Variants in C11orf65 observed in about 807,000 individuals in gnomAD.
C11orf65 encodes protein MFI.
C11orf65 carries 38 observed loss-of-function variants against 35.3 expected under a neutral mutation model. That is an observed-to-expected ratio of 1.08 (90% CI 0.83 to 1.41). C11orf65 has a LOEUF of 1.41. C11orf65 is among the 40% of genes most tolerant of loss of function. The probability of loss-of-function intolerance (pLI) is 0.00; values close to 1 mark genes in which losing one functional copy is unlikely to be tolerated. For missense variants in C11orf65, 370 were observed against 367.1 expected, an observed-to-expected ratio of 1.01 and a Z score of -0.06; for synonymous variants, 105 against 114.4, an observed-to-expected ratio of 0.92 and a Z score of 0.53.
chr11:108,441,909 C>A (rs1236035605), intron 2 of C11orf65, among the ~76,000 whole-genome samples: 2 of 152,186 alleles, frequency 1.3e-5, no homozygotes, highest in Admixed American at 1.3e-4. Context: ...TATCAGAATG[C>A]CTCTTCTCCT....
At chr11:108,310,831 C>T (rs372463254) in intron 6 of C11orf65, among the ~76,000 whole-genome samples, 49 of 152,152 alleles carry the variant, frequency 3.2e-4, no homozygotes, top group Non-Finnish European at 6.3e-4. Flanking sequence ...GAATTTAATT[C>T]GCTTTCCTCT....
intron 2 of C11orf65, among the ~76,000 whole-genome samples, chr11:108,452,818 C>G (rs1297211095): frequency 6.6e-6 from 1 of 151,782 alleles, no homozygotes; most frequent in African/African-American, 2.4e-5. Context: ...TACTATGCAG[C>G]CATATAAAAG....
In C11orf65 at chr11:108,404,197, G is replaced by C. The variant is rs182862529; in HGVS notation, c.560+1232C>G. Among the ~76,000 whole-genome samples, 6 of 152,222 alleles carry C rather than the reference G, an allele frequency of 3.9e-5. No individual in the cohort carries two copies. The East Asian group carries it at 9.6e-4, about 24-fold the overall frequency. On this transcript the variant is annotated intron_variant, in intron 6 of 8. Coordinates refer to ENST00000393084, the MANE Select transcript of C11orf65 (RefSeq NM_152587.5). Reference sequence around the variant, plus strand: ...ATATACAACCAGGTATGCTACTTGAGGTTCTGTCCCAGTAGGATTTCCCTT... The same window carrying C: ...ATATACAACCAGGTATGCTACTTGACGTTCTGTCCCAGTAGGATTTCCCTT...
intron 3 of C11orf65, among the ~76,000 whole-genome samples, chr11:108,424,280 T>C (rs1269410705): frequency 1.3e-5 from 2 of 152,064 alleles, no homozygotes; most frequent in Non-Finnish European, 1.5e-5. Flanking sequence ...AATAGCTGAA[T>C]TGATCAAGCG....
At chr11:108,386,192 A>G (rs1329524934) in intron 7 of C11orf65, among the ~76,000 whole-genome samples, 1 of 152,156 alleles carries the variant, frequency 6.6e-6, no homozygotes, top group African/African-American at 2.4e-5. Flanking sequence ...AATGGTGCCC[A>G]CCATCTGCCA....
chr11:108,393,570 T>G (rs2092221966), intron 6 of C11orf65, among the ~76,000 whole-genome samples, 192 bp from the exon 7 acceptor site: 1 of 152,200 alleles, frequency 6.6e-6, no homozygotes, highest in East Asian at 1.9e-4. Flanking sequence ...GAAAAGCAAC[T>G]TAACCACACT....
intron 3 of C11orf65, among the ~76,000 whole-genome samples, chr11:108,423,546 T>C (rs571377310): frequency 2.6e-5 from 4 of 152,276 alleles, no homozygotes; most frequent in South Asian, 4.1e-4. Flanking sequence ...CCCAGCACAG[T>C]GCTCGAGCTC....
At chr11:108,429,995 A>G (rs2092961881) in intron 3 of C11orf65, among the ~76,000 whole-genome samples, 1 of 152,188 alleles carries the variant, frequency 6.6e-6, no homozygotes, top group Non-Finnish European at 1.5e-5. Context: ...GGAAGGGAAA[A>G]TAAGGAGTTA....
chr11:108,448,536 C>T (rs2093299656), intron 2 of C11orf65, among the ~76,000 whole-genome samples: 1 of 152,120 alleles, frequency 6.6e-6, no homozygotes, highest in South Asian at 2.1e-4. Context: ...ACAAAAAACA[C>T]ATGATTATCT....
In C11orf65 at chr11:108,313,092, A is replaced by G. The variant is rs1001631425; in HGVS notation, c.641-4021T>C. ...ATCTCGCCACATCCCACTCTCAAAC[A>G]TTGAAATCTCCTGGCATCTCCTCCT... On this transcript the variant is annotated intron_variant, in intron 6 of 6. Transcript: ENST00000525729. Among the ~76,000 whole-genome samples, 3 of 152,314 alleles carry G rather than the reference A, an allele frequency of 2.0e-5. No individual in the cohort carries two copies. In the South Asian group the frequency reaches 6.2e-4, roughly 32 times the overall value.
At chr11:108,344,770 A>G (rs1360994604) in intron 2 of C11orf65, among the ~76,000 whole-genome samples, 2 of 152,046 alleles carry the variant, frequency 1.3e-5, no homozygotes, top group Non-Finnish European at 2.9e-5. Flanking sequence ...TAAGGATACC[A>G]AGGCAGGAGG....
chr11:108,446,618 A>G (rs1260039215), intron 2 of C11orf65, among the ~76,000 whole-genome samples: 1 of 152,152 alleles, frequency 6.6e-6, no homozygotes, highest in Non-Finnish European at 1.5e-5. Flanking sequence ...GCCCTAAAAG[A>G]GCTCCTGAAG....
chr11:108,434,291 G>T (rs1188008479), intron 2 of C11orf65, among the ~76,000 whole-genome samples: 1 of 152,042 alleles, frequency 6.6e-6, no homozygotes. Flanking sequence ...GATCACTTGA[G>T]GTCAGGGGTT....
At chr11:108,437,735 AAAAG>A (rs2093084899) in intron 2 of C11orf65, among the ~76,000 whole-genome samples, 2 of 148,272 alleles carry the variant, frequency 1.3e-5, no homozygotes, top group African/African-American at 4.9e-5. Context: ...AAAAAAAAAA[AAAAG>A]GATAAGGAAA....
Position 108,431,833 on chromosome 11 carries a change from G to A in C11orf65, c.87C>T (p.Val29=). The change falls in exon 3 of 9, where the codon GTC becomes GTT. Residue 29 remains valine (V), a synonymous_variant. Transcript: ENST00000393084. The part of the protein sequence containing the change: ...IQQAWKSFLN[V]AIFQHFKSLI... ...GACTTTTAAAGTGTTGAAATATAGC[G>A]ACATTCTAAAGGTTCAAACACAAGA... is the stretch of plus-strand genomic sequence containing the variant. 3.4e-6 allele frequency: 5 copies of A among 1,483,058 alleles called. No individual in the cohort carries two copies. The highest frequency in any genetic ancestry group is 2.8e-5 in the South Asian group (2 of 70,228). The allele number at this position is 1,483,058 out of a possible 1,614,324, so 91.9% of individuals were successfully genotyped here.
intron 1 of C11orf65, among the ~76,000 whole-genome samples, chr11:108,462,893 G>A (rs55930851): frequency 0.11 from 17,161 of 152,252 alleles, 1,330 homozygotes; most frequent in Non-Finnish European, 0.15. Context: ...GCCAAGGCAG[G>A]AGGATTTCTT....
chr11:108,346,149 CA>C (rs577631022), intron 2 of C11orf65, among the ~76,000 whole-genome samples: 158 of 152,160 alleles, frequency 1.0e-3, no homozygotes, highest in African/African-American at 3.5e-3. Context: ...AATAAAAAGA[CA>C]GGGTTTTCTT....
Position 108,449,963 on chromosome 11 carries a change from G to C in C11orf65, c.81+11516C>G, listed in dbSNP as rs1048248737. Among the ~76,000 whole-genome samples the C allele has an allele frequency of 9.9e-5, 15 of 151,772 alleles. 1 individual carries two copies. The highest frequency in any genetic ancestry group is 1.6e-4 in the Non-Finnish European group (11 of 67,990). On this transcript the variant is annotated intron_variant, in intron 2 of 8. Transcript: ENST00000393084. ...AAGAGAAAAAAAAACCCATCAAAAA[G>C]TGGGCCAAGGATATGAACAGACACT...
chr11:108,390,338 T>C (rs1252093488), intron 7 of C11orf65, among the ~76,000 whole-genome samples: 2 of 152,224 alleles, frequency 1.3e-5, no homozygotes, highest in Non-Finnish European at 2.9e-5. Context: ...TTTTGTTTTT[T>C]AAAGGGAAGC....
Sources: allele counts gnomAD v4.1 joint callset (sites outside exome capture counted in the v4.1 genomes callset), GRCh38; gene constraint gnomAD v4.1.1; transcripts MANE v1.5; gene names NCBI Gene and HGNC (gene_info 2026-07-23, HGNC 2026-07-21).